Variants in ABHD16A observed in about 807,000 individuals in gnomAD.
ABHD16A encodes phosphatidylserine lipase ABHD16A.
A neutral mutation model predicts 89.8 loss-of-function variants in ABHD16A; 47 were observed. That is an observed-to-expected ratio of 0.52 (90% CI 0.41 to 0.67). The LOEUF (loss-of-function observed/expected upper bound fraction) is 0.67. ABHD16A is among the 30% of genes least tolerant of loss of function. The pLI is 0.00. For missense variants in ABHD16A, 580 were observed against 734.6 expected, an observed-to-expected ratio of 0.79 and a Z score of 2.43; for synonymous variants, 251 against 280.4, an observed-to-expected ratio of 0.90 and a Z score of 1.05.
intron 5 of ABHD16A, 86 bp downstream of exon 5, chr6:31,696,862 G>T: frequency 7.5e-7 from 1 of 1,329,082 alleles, no homozygotes; most frequent in Non-Finnish European, 1.1e-6. Flanking sequence ...TCCTCTTCCT[G>T]CAGAAGCCAG....
At chr6:31,701,556 T>C (rs1294920549) in intron 2 of ABHD16A, among the ~76,000 whole-genome samples, 1 of 152,192 alleles carries the variant, frequency 6.6e-6, no homozygotes, top group African/African-American at 2.4e-5. Flanking sequence ...CAGGCTCTAT[T>C]TTCTTCCTCT....
Position 31,691,675 on chromosome 6 carries a change from A to G in ABHD16A, c.747T>C (p.Asn249=). The G allele has an allele frequency of 6.3e-7, 1 of 1,595,964 alleles. No individual in the cohort carries two copies. The highest frequency in any genetic ancestry group is 8.5e-7 in the Non-Finnish European group (1 of 1,176,624). The part of the protein sequence containing the change: ...QGQARLVEEC[N]GRRAKLLACD... The stretch of plus-strand genomic sequence containing the variant: ...AGGCCAGCAGCTTTGCCCGGCGCCC[A>G]TTACACTGAGTACGGAAGACGCAAT... Residue 249 remains asparagine, a synonymous_variant, in exon 9 of 20, where the codon AAT becomes AAC. Coordinates refer to ENST00000395952, the MANE Select transcript of ABHD16A (RefSeq NM_021160.3).
intron 1 of ABHD16A, chr6:31,702,783 G>T (rs1280735921): frequency 6.8e-7 from 1 of 1,466,326 alleles, no homozygotes; most frequent in Admixed American, 2.8e-5. Context: ...AGGCACTGAA[G>T]AAGAGGAAAC....
At chr6:31,695,424 C>G (rs1049002043) in intron 5 of ABHD16A, among the ~76,000 whole-genome samples, 32 of 152,102 alleles carry the variant, frequency 2.1e-4, no homozygotes, top group African/African-American at 7.7e-4. Flanking sequence ...AGAAAACTAC[C>G]TTCTAAGAAA....
intron 5 of ABHD16A, among the ~76,000 whole-genome samples, chr6:31,694,387 CTT>C (rs1190272819): frequency 0.073 from 5,650 of 77,688 alleles, 179 homozygotes; most frequent in East Asian, 0.25. Flanking sequence ...GGAGCTGTGT[CTT>C]TTTTTTTTTT....
chr6:31,693,176 G>A lies in ABHD16A; in HGVS notation c.504-27C>T. 2 of 1,607,984 alleles carry A rather than the reference G, an allele frequency of 1.2e-6. No individual in the cohort carries two copies. The highest frequency in any genetic ancestry group is 1.7e-6 in the Non-Finnish European group (2 of 1,176,770). On this transcript the variant is annotated intron_variant, in intron 6 of 19. Transcript: ENST00000395952. The surrounding 1 kb of genome is among the most constrained non-coding windows in gnomAD (Gnocchi z 5.0). ...TGAGGAAGGGAAAGATGCAGGGAAGGATAGGGTCAGGAGCAGCAAGCTGGA... is the reference window on the plus strand; with the variant it reads ...TGAGGAAGGGAAAGATGCAGGGAAGAATAGGGTCAGGAGCAGCAAGCTGGA...
chr6:31,703,146 T>C lies in ABHD16A; in HGVS notation c.132+4A>G. ...GTTCTTCGGTGGGGAGGAACTCGAC[T>C]CACCCAGGAGCTGGAATGGGGGGCA... On this transcript the variant is annotated splice_donor_region_variant and intron_variant, in intron 1 of 19. Transcript: ENST00000395952. 7.0e-7 allele frequency: 1 copy of C among 1,420,868 alleles called. No homozygotes were observed. Among genetic ancestry groups the C allele is most frequent in the Non-Finnish European group, 9.3e-7 (1 of 1,079,626 alleles). The allele number at this position is 1,420,868 out of a possible 1,614,324, so 88.0% of individuals were successfully genotyped here.
At chr6:31,701,108 C>T (rs755045830) in intron 3 of ABHD16A, 80 bp from the exon 4 acceptor site, 3 of 1,376,196 alleles carry the variant, frequency 2.2e-6, no homozygotes, top group South Asian at 2.3e-5. Flanking sequence ...CCAACCTCCA[C>T]CCCACACTCC....
chr6:31,687,084 G>C lies in ABHD16A; in HGVS notation c.*128C>G, dbSNP rs1803361675. On this transcript the variant is annotated 3_prime_UTR_variant, in exon 20 of 20. Coordinates refer to ENST00000395952, the MANE Select transcript of ABHD16A (RefSeq NM_021160.3). The surrounding 1 kb of genome is among the most constrained non-coding windows in gnomAD (Gnocchi z 6.3). ...AAACGTGCAAGAGGAACAGTGGTGAGAAGGGGGATGGTCCCCCACTTTCCA... is the reference window on the plus strand; with the variant it reads ...AAACGTGCAAGAGGAACAGTGGTGACAAGGGGGATGGTCCCCCACTTTCCA... 8 of 873,594 alleles carry C rather than the reference G, an allele frequency of 9.2e-6. No individual in the cohort carries two copies. The highest frequency in any genetic ancestry group is 1.3e-5 in the Non-Finnish European group (7 of 559,406). 54.1% of individuals were successfully genotyped at this position (873,594 alleles called of 1,614,324 possible).
chr6:31,689,642 G>A lies in ABHD16A; in HGVS notation c.1020C>T (p.His340=). 6.2e-7 allele frequency: 1 copy of A among 1,612,410 alleles called. No homozygotes were observed. The highest frequency in any genetic ancestry group is 8.5e-7 in the Non-Finnish European group (1 of 1,179,692). ...TGTCCTGGGGCTGGAAGCCTAGGCG[G>A]TGGATGGCAAACTGGACCACCACAT... ...AMDVVVQFAI[H]RLGFQPQDII... The change falls in exon 12 of 20, where the codon CAC becomes CAT. Residue 340 remains histidine, a synonymous_variant. Transcript: ENST00000395952.
chr6:31,700,406 G>T (rs1269041475), intron 4 of ABHD16A, among the ~76,000 whole-genome samples: 1 of 152,180 alleles, frequency 6.6e-6, no homozygotes, highest in African/African-American at 2.4e-5. Context: ...TTACAGGCAT[G>T]AGCCACCACA....
rs2151237021 is a variant in ABHD16A, at chr6:31,693,553, G to A, written c.430-121C>T. The A allele has an allele frequency of 4.5e-6, 4 of 893,066 alleles. No homozygotes were observed. Among genetic ancestry groups the A allele is most frequent in the Admixed American group, 4.3e-5 (2 of 47,032 alleles). The allele number at this position is 893,066 out of a possible 1,614,324, so 55.3% of individuals were successfully genotyped here. A position where few individuals can be genotyped will look rare whatever the true frequency, so the allele number is the denominator to read the frequency against. On this transcript the variant is annotated intron_variant, in intron 5 of 19. Transcript: ENST00000395952. This position sits in a 1 kb window ranked among gnomAD's most constrained non-coding sequence, Gnocchi z 5.0. ...CCCACACATCATGGGGAAACCAAGCGGAGGTCAATACCCTCCCAATTCTCA... is the reference window on the plus strand; with the variant it reads ...CCCACACATCATGGGGAAACCAAGCAGAGGTCAATACCCTCCCAATTCTCA...
intron 7 of ABHD16A, 66 bp downstream of exon 7, chr6:31,692,961 A>C: frequency 6.2e-7 from 1 of 1,609,408 alleles, no homozygotes; most frequent in South Asian, 1.1e-5. Context: ...TGGAGCGCCC[A>C]CTCCCAGAGC....
chr6:31,688,107 G>A lies in ABHD16A; in HGVS notation c.1308-4C>T, dbSNP rs765507154. The A allele has an allele frequency of 6.2e-7, 1 of 1,611,384 alleles. No homozygotes were observed. The highest frequency in any genetic ancestry group is 8.5e-7 in the Non-Finnish European group (1 of 1,178,372). Reference sequence around the variant, plus strand: ...GGACATGATGTCCTCAGGAACCCTGGGGGTGAGAAGAATGTACCCTGGAGG... The same window carrying A: ...GGACATGATGTCCTCAGGAACCCTGAGGGTGAGAAGAATGTACCCTGGAGG... On this transcript the variant is annotated splice_polypyrimidine_tract_variant and splice_region_variant and intron_variant, in intron 15 of 19. Transcript: ENST00000395952. The surrounding 1 kb of genome is among the most constrained non-coding windows in gnomAD (Gnocchi z 4.9).
chr6:31,690,709 G>T lies in ABHD16A; in HGVS notation c.844-107C>A. The T allele has an allele frequency of 1.0e-6, 1 of 996,328 alleles. No individual in the cohort carries two copies. The highest frequency in any genetic ancestry group is 1.6e-6 in the Non-Finnish European group (1 of 633,132). 61.7% of individuals were successfully genotyped at this position (996,328 alleles called of 1,614,324 possible). A position where few individuals can be genotyped will look rare whatever the true frequency, so the allele number is the denominator to read the frequency against. On this transcript the variant is annotated intron_variant, in intron 9 of 19. Transcript: ENST00000395952. This position sits in a 1 kb window ranked among gnomAD's most constrained non-coding sequence, Gnocchi z 4.1. Reference sequence around the variant, plus strand: ...AAGAGCTTTGCAGGGAAGAGGAAAGGGCAGGTTTCTGTTTTCTCCAAGGGG... The same window carrying T: ...AAGAGCTTTGCAGGGAAGAGGAAAGTGCAGGTTTCTGTTTTCTCCAAGGGG...
chr6:31,692,185 T>C (rs1227046173), intron 7 of ABHD16A: 3 of 409,424 alleles, frequency 7.3e-6, no homozygotes, highest in African/African-American at 2.0e-5. Flanking sequence ...GAGAGTTTTA[T>C]GATGTAACTG....
rs3830950 is a variant in ABHD16A at position 31,701,372 on chromosome 6, T to TAC, written c.190-34_190-33dup. On this transcript the variant is annotated intron_variant, in intron 2 of 19. Coordinates refer to ENST00000395952, the MANE Select transcript of ABHD16A (RefSeq NM_021160.3). Reference sequence around the variant, plus strand: ...CAGAGAGACAGGGACAGGCAATCAATACACACACACACACACACCTGCCAT... The same window carrying TAC: ...CAGAGAGACAGGGACAGGCAATCAATACACACACACACACACACACCTGCCAT... 2.8e-3 allele frequency: 3,872 copies of TAC among 1,398,648 alleles called. 44 individuals are homozygous for TAC. In the Admixed American group the frequency reaches 0.044, roughly 16 times the overall value. 86.6% of individuals were successfully genotyped at this position (1,398,648 alleles called of 1,614,324 possible).
At chr6:31,694,200 C>T (rs751732003) in intron 5 of ABHD16A, among the ~76,000 whole-genome samples, 2 of 151,888 alleles carry the variant, frequency 1.3e-5, no homozygotes, top group African/African-American at 2.4e-5. Flanking sequence ...GGACTACAGA[C>T]ATGTGCTACC....
rs2151232498 is a variant in ABHD16A at position 31,691,935 on chromosome 6, TTA to T, written c.627-19_627-18del. The T allele has an allele frequency of 6.3e-7, 1 of 1,583,640 alleles. No individual in the cohort carries two copies. The highest frequency in any genetic ancestry group is 2.3e-5 in the East Asian group (1 of 44,392). On this transcript the variant is annotated intron_variant, in intron 7 of 19. Coordinates refer to ENST00000395952, the MANE Select transcript of ABHD16A (RefSeq NM_021160.3). ...ACCAGGTAGCTGTGGGGAACACAGG[TTA>T]ACAAACCCCAACCCTGTTGAGGCCT... is the stretch of plus-strand genomic sequence containing the variant.
Sources: allele counts gnomAD v4.1 joint callset (sites outside exome capture counted in the v4.1 genomes callset), GRCh38; gene constraint gnomAD v4.1.1; non-coding constraint Gnocchi (gnomAD v3.1); transcripts MANE v1.5; gene names NCBI Gene and HGNC (gene_info 2026-07-23, HGNC 2026-07-21).